Variants in NLRC5 observed in about 807,000 individuals in gnomAD.
NLRC5 encodes the protein NLR family CARD domain containing 5.
Under a neutral mutation model 206.9 loss-of-function variants are expected in NLRC5, and 114 were observed. That is an observed-to-expected ratio of 0.55 (90% confidence interval 0.47 to 0.64). The LOEUF (loss-of-function observed/expected upper bound fraction) is 0.64. Ranked by LOEUF, NLRC5 falls within the 30% of genes least tolerant of loss-of-function variation. The pLI is 0.00. For synonymous variants in NLRC5, 952 were observed against 962.8 expected (o/e 0.99, Z 0.21); for missense variants, 2,008 against 2,305.5 (o/e 0.87, Z 2.64).
intron 27 of NLRC5, among the ~76,000 whole-genome samples, chr16:57,056,532 C>A (rs2065684533): frequency 6.6e-6 from 1 of 152,234 alleles, no homozygotes; most frequent in Non-Finnish European, 1.5e-5. Context: ...TCAGGTGATC[C>A]TCAGCCTCCC....
chr16:57,061,682 G>C lies in NLRC5; in HGVS notation c.4135G>C (p.Ala1379Pro). The C allele has an allele frequency of 6.2e-7, 1 of 1,607,388 alleles. No individual in the cohort carries two copies. Among genetic ancestry groups the C allele is most frequent in the Non-Finnish European group, 8.5e-7 (1 of 1,178,546 alleles). Residue 1379 changes from alanine to proline, a missense_variant, in exon 32 of 49, where the codon GCA becomes CCA. By Grantham distance (27) the Ala-to-Pro change is conservative. Coordinates refer to ENST00000688547, the MANE Select transcript of NLRC5 (RefSeq NM_001384950.1). ...CCTCCTGAGCTTGGTGGGGCGACCCGCAGGGCTGTTCAGCCTCAGGTACCT... is the reference window on the plus strand; with the variant it reads ...CCTCCTGAGCTTGGTGGGGCGACCCCCAGGGCTGTTCAGCCTCAGGTACCT... The part of the protein sequence containing the change: ...AILLSLVGRP[A>P]GLFSLRVQEP...
chr16:57,070,630 T>C lies in NLRC5; in HGVS notation c.4667+12T>C. The C allele has an allele frequency of 6.2e-7, 1 of 1,611,904 alleles. No individual in the cohort carries two copies. The highest frequency in any genetic ancestry group is 8.5e-7 in the Non-Finnish European group (1 of 1,178,286). Reference sequence around the variant, plus strand: ...CTAAAGAGGCTGGAGTAAGTAGTGATGGTGGTTGTGGGTGAGTGAGTGGTG... The same window carrying C: ...CTAAAGAGGCTGGAGTAAGTAGTGACGGTGGTTGTGGGTGAGTGAGTGGTG... On this transcript the variant is annotated intron_variant, in intron 38 of 48. Transcript: ENST00000688547.
chr16:57,076,402 C>T (rs2068402997), intron 39 of NLRC5, among the ~76,000 whole-genome samples: 1 of 152,238 alleles, frequency 6.6e-6, no homozygotes, highest in Admixed American at 6.5e-5. Flanking sequence ...TGGATGAGAA[C>T]ACATATGCCC....
intron 48 of NLRC5, 127 bp downstream of exon 48, chr16:57,081,737 C>T (rs1420079831): frequency 1.3e-6 from 1 of 750,562 alleles, no homozygotes; most frequent in African/African-American, 1.8e-5. Context: ...TTGGACCACT[C>T]CACCAAGAAT....
intron 38 of NLRC5, 62 bp downstream of exon 38, chr16:57,070,680 T>G (rs1597437533): frequency 4.3e-6 from 6 of 1,390,436 alleles, no homozygotes; most frequent in Non-Finnish European, 6.0e-6. Flanking sequence ...ATGGTGGAAG[T>G]GGGTGAGTGG....
At chr16:57,013,661 A>G in intron 1 of NLRC5, 1 of 910,016 alleles carries the variant, frequency 1.1e-6, no homozygotes. Context: ...AGCCATTTGA[A>G]TCTTGTATGA....
intron 1 of NLRC5, among the ~76,000 whole-genome samples, chr16:57,010,151 C>T (rs567152740): frequency 1.3e-5 from 2 of 152,216 alleles, no homozygotes; most frequent in South Asian, 2.1e-4. Flanking sequence ...AGCTCAGTTT[C>T]GGACTTGGAA....
At chr16:57,032,904 G>A (rs1470976291) in intron 11 of NLRC5, among the ~76,000 whole-genome samples, 1 of 151,958 alleles carries the variant, frequency 6.6e-6, no homozygotes, top group East Asian at 1.9e-4. Flanking sequence ...AAGCCAAGGT[G>A]GGAGGATCAC....
At position 57,061,624 on chromosome 16, in the gene NLRC5, C is replaced by G. The variant is rs567004809; in HGVS notation, c.4077C>G (p.Thr1359=). ...KSLQLTELTL[T]QCCLGQKQLA... Reference sequence around the variant, plus strand: ...GACTGACCTCTGTCTCCAGGCTGACCCAGTGCTGCCTGGGCCAGAAGCAGC... The same window carrying G: ...GACTGACCTCTGTCTCCAGGCTGACGCAGTGCTGCCTGGGCCAGAAGCAGC... The change falls in exon 32 of 49, where the codon ACC becomes ACG. Residue 1359 remains threonine (T), a synonymous_variant. Transcript: ENST00000688547. The G allele has an allele frequency of 1.4e-5, 22 of 1,610,292 alleles. No homozygotes were observed. In the South Asian group the frequency reaches 2.4e-4, roughly 18 times the overall value.
intron 25 of NLRC5, 72 bp from the exon 26 acceptor site, chr16:57,054,960 G>C: frequency 6.3e-7 from 1 of 1,598,998 alleles, no homozygotes; most frequent in Middle Eastern, 1.7e-4. Context: ...TTCCGGAGGA[G>C]GGGTGCTGGC....
chr16:57,027,023 G>T lies in NLRC5; in HGVS notation c.2075+5G>T. Reference sequence around the variant, plus strand: ...TGGGCAGATAGAGAATCTCAGGTGAGTAAGAGTGGAGGAGGACCGGGGAGG... The same window carrying T: ...TGGGCAGATAGAGAATCTCAGGTGATTAAGAGTGGAGGAGGACCGGGGAGG... On this transcript the variant is annotated splice_donor_5th_base_variant and intron_variant, in intron 6 of 48. Coordinates refer to ENST00000688547, the MANE Select transcript of NLRC5 (RefSeq NM_001384950.1). 1 of 1,611,318 alleles carries T rather than the reference G, an allele frequency of 6.2e-7. No individual in the cohort carries two copies. Among genetic ancestry groups the T allele is most frequent in the Middle Eastern group, 1.7e-4 (1 of 6,044 alleles).
chr16:57,071,551 G>A (rs1363080387), intron 38 of NLRC5, among the ~76,000 whole-genome samples: 2 of 145,336 alleles, frequency 1.4e-5, no homozygotes, highest in East Asian at 4.1e-4. Context: ...AACGGGGAAG[G>A]GGGTGAGTGA....
At chr16:57,027,079 C>T (rs1324591386) in intron 6 of NLRC5, 61 bp downstream of exon 6, 1 of 1,552,726 alleles carries the variant, frequency 6.4e-7, no homozygotes, top group South Asian at 1.2e-5. Context: ...CAGAGGCCAA[C>T]CAGTCTAGCA....
Position 57,033,368 on chromosome 16 carries a change from C to T in NLRC5, c.2478-236C>T, listed in dbSNP as rs77421583. Among the ~76,000 whole-genome samples, 208 of 152,362 alleles carry T rather than the reference C, an allele frequency of 1.4e-3. 1 individual carries two copies. Among genetic ancestry groups the T allele is most frequent in the African/African-American group, 4.8e-3 (199 of 41,592 alleles). ...GACTGCAGTGATTTGCCCAAGGCCACATGGCTATACATGGCAGAGCCAAAA... is the reference window on the plus strand; with the variant it reads ...GACTGCAGTGATTTGCCCAAGGCCATATGGCTATACATGGCAGAGCCAAAA... On this transcript the variant is annotated intron_variant, in intron 11 of 48. Transcript: ENST00000688547.
At chr16:57,068,478 A>T (rs1402884157) in intron 36 of NLRC5, among the ~76,000 whole-genome samples, 2 of 149,690 alleles carry the variant, frequency 1.3e-5, no homozygotes, top group Non-Finnish European at 3.0e-5. Flanking sequence ...ATCTTTTTCC[A>T]CATTTGCTCA....
intron 12 of NLRC5, 119 bp from the exon 13 acceptor site, chr16:57,034,049 G>A (rs1410243964): frequency 5.5e-6 from 4 of 727,132 alleles, no homozygotes; most frequent in African/African-American, 1.8e-5. Flanking sequence ...ACTAAGAGGT[G>A]TGGCTAGGAT....
chr16:57,031,135 A>G (rs1359623944), intron 10 of NLRC5, among the ~76,000 whole-genome samples: 2 of 152,090 alleles, frequency 1.3e-5, no homozygotes, highest in Non-Finnish European at 2.9e-5. Flanking sequence ...AAAACTCACA[A>G]CATTCTTAAT....
intron 2 of NLRC5, among the ~76,000 whole-genome samples, chr16:57,020,174 C>G (rs1167742): frequency 0.26 from 38,641 of 150,856 alleles, 5,408 homozygotes; most frequent in Non-Finnish European, 0.31. Flanking sequence ...AACTCACCTT[C>G]CCCAGATCAC....
chr16:57,038,354 G>A (rs1449099942), intron 15 of NLRC5, among the ~76,000 whole-genome samples: 1 of 152,068 alleles, frequency 6.6e-6, no homozygotes, highest in Non-Finnish European at 1.5e-5. Context: ...CAAATCCTGG[G>A]CTCAGCAATC....
Sources: gnomAD v4.1 joint callset for allele counts (sites outside exome capture counted in the v4.1 genomes callset) on GRCh38, gnomAD v4.1.1 for gene constraint, MANE v1.5 for transcripts, NCBI Gene and HGNC (gene_info 2026-07-23, HGNC 2026-07-21) for gene names.